The following PCDH7 variants were observed in gnomAD, a reference collection of about 807,000 sequenced individuals.
PCDH7 encodes the protein protocadherin 7.
Under a neutral mutation model 58.9 loss-of-function variants are expected in PCDH7, and 17 were observed. The ratio of observed to expected loss-of-function variants is 0.29; its 90% confidence interval spans 0.20 to 0.43. The LOEUF is 0.43. Among genes scored for constraint, PCDH7 ranks in the 20% least tolerant of loss-of-function variants. The pLI, the probability that PCDH7 is intolerant of heterozygous loss-of-function variation, is 1.00. For missense variants in PCDH7, 1,274 were observed against 1,441.0 expected, an observed-to-expected ratio of 0.88 and a Z score of 1.88; for synonymous variants, 664 against 616.4, an observed-to-expected ratio of 1.08 and a Z score of -1.14.
At chr4:30,767,208 G>T (rs1409595482) in intron 1 of PCDH7, among the ~76,000 whole-genome samples, 1 of 152,174 alleles carries the variant, frequency 6.6e-6, no homozygotes, top group Non-Finnish European at 1.5e-5. Context: ...CAATAGCAGG[G>T]TATGGATTTG....
intron 1 of PCDH7, among the ~76,000 whole-genome samples, chr4:30,829,115 T>G (rs1413518929): frequency 1.3e-5 from 2 of 152,016 alleles, no homozygotes. Context: ...TTTCAAACTG[T>G]AGCTGCCATT....
At chr4:30,987,252 C>G (rs1461363124) in intron 3 of PCDH7, among the ~76,000 whole-genome samples, 2 of 151,966 alleles carry the variant, frequency 1.3e-5, no homozygotes, top group Admixed American at 1.3e-4. Flanking sequence ...TACAGATCAC[C>G]TAAGTAAGAA....
chr4:30,979,325 C>CA (rs80272564), intron 3 of PCDH7, among the ~76,000 whole-genome samples: 1,454 of 96,418 alleles, frequency 0.015, 16 homozygotes, highest in Non-Finnish European at 0.023. Flanking sequence ...AACTCTGTCT[C>CA]AAAAAAAAAA....
At chr4:30,901,265 A>G (rs1740182516) in intron 1 of PCDH7, among the ~76,000 whole-genome samples, 1 of 152,190 alleles carries the variant, frequency 6.6e-6, no homozygotes, top group African/African-American at 2.4e-5. Flanking sequence ...CATTAAGACT[A>G]TTAACATAGA....
intron 1 of PCDH7, among the ~76,000 whole-genome samples, chr4:30,902,675 T>G (rs1483709163): frequency 6.6e-6 from 1 of 151,864 alleles, no homozygotes; most frequent in Admixed American, 6.6e-5. Flanking sequence ...ATCTATAAAC[T>G]TTTGTGGAAA....
intron 1 of PCDH7, among the ~76,000 whole-genome samples, chr4:30,811,092 T>C (rs1342883041): frequency 6.6e-6 from 1 of 152,228 alleles, no homozygotes; most frequent in African/African-American, 2.4e-5. Context: ...GTCCATTTCA[T>C]GTCAAAACTG....
chr4:30,809,528 A>G (rs1726703670), intron 1 of PCDH7, among the ~76,000 whole-genome samples: 1 of 152,188 alleles, frequency 6.6e-6, no homozygotes, highest in Non-Finnish European at 1.5e-5. Context: ...TATTTTGTGG[A>G]AGTAAGCCCC....
chr4:31,021,363 C>T (rs1188667617), intron 3 of PCDH7, among the ~76,000 whole-genome samples: 1 of 152,132 alleles, frequency 6.6e-6, no homozygotes, highest in Non-Finnish European at 1.5e-5. Flanking sequence ...TCTTTCAGAC[C>T]TTCTATGGAG....
chr4:30,769,752 T>C (rs986478044), intron 1 of PCDH7, among the ~76,000 whole-genome samples: 21 of 152,216 alleles, frequency 1.4e-4, no homozygotes, highest in African/African-American at 4.8e-4. Context: ...ATGTTTATCT[T>C]ACATAATTCT....
chr4:30,768,627 A>AC lies in PCDH7; in HGVS notation c.70+44032dup, dbSNP rs939923684. Reference sequence around the variant, plus strand: ...AGGAGATTTTCAAGTAAGAGAAGATACTTTTAAGACAATATCTTGCTGTTT... The same window carrying AC: ...AGGAGATTTTCAAGTAAGAGAAGATACCTTTTAAGACAATATCTTGCTGTTT... On this transcript the variant is annotated intron_variant, in intron 1 of 3. Transcript: ENST00000509759. 1.4e-4 allele frequency among the ~76,000 whole-genome samples: 22 copies of AC among 152,362 alleles called. 1 individual carries two copies. The highest frequency in any genetic ancestry group is 5.3e-4 in the African/African-American group (22 of 41,590).
intron 1 of PCDH7, among the ~76,000 whole-genome samples, chr4:30,806,191 T>C (rs995125479): frequency 3.3e-5 from 5 of 152,156 alleles, no homozygotes; most frequent in Non-Finnish European, 4.4e-5. Flanking sequence ...GTCCCCCAAA[T>C]TGGTACAAGC....
intron 3 of PCDH7, among the ~76,000 whole-genome samples, chr4:30,971,834 T>G (rs1410555045): frequency 2.6e-5 from 4 of 152,264 alleles, no homozygotes; most frequent in African/African-American, 9.6e-5. Flanking sequence ...TGGTGGCACA[T>G]GCCTGTGGGG....
intron 2 of PCDH7, among the ~76,000 whole-genome samples, chr4:30,940,268 TCA>T (rs1374489008): frequency 6.6e-6 from 1 of 151,988 alleles, no homozygotes; most frequent in Non-Finnish European, 1.5e-5. Flanking sequence ...AAAAAAATTA[TCA>T]CACTTTCTGA....
At chr4:30,833,606 G>T (rs368742287) in intron 1 of PCDH7, among the ~76,000 whole-genome samples, 7 of 152,172 alleles carry the variant, frequency 4.6e-5, no homozygotes, top group Admixed American at 3.9e-4. Context: ...TATTCATAGG[G>T]TACATGGGTA....
chr4:30,752,822 GAAA>G (rs1160597987), intron 1 of PCDH7, among the ~76,000 whole-genome samples: 4 of 136,494 alleles, frequency 2.9e-5, no homozygotes, highest in Non-Finnish European at 4.8e-5. Flanking sequence ...AGAAAAAAAA[GAAA>G]AAAAGAACTC....
chr4:30,772,619 A>T (rs1185632915), intron 1 of PCDH7, among the ~76,000 whole-genome samples: 1 of 152,202 alleles, frequency 6.6e-6, no homozygotes, highest in East Asian at 1.9e-4. Flanking sequence ...GAGAAGAGTC[A>T]TGAGGCAGGA....
At chr4:30,869,846 C>T (rs1045894739) in intron 1 of PCDH7, among the ~76,000 whole-genome samples, 3 of 152,062 alleles carry the variant, frequency 2.0e-5, no homozygotes, top group African/African-American at 7.2e-5. Context: ...CTAGATCCTT[C>T]AGGAATTGCT....
At chr4:30,976,953 A>G (rs1229133389) in intron 3 of PCDH7, among the ~76,000 whole-genome samples, 1 of 152,184 alleles carries the variant, frequency 6.6e-6, no homozygotes, top group Non-Finnish European at 1.5e-5. Flanking sequence ...CAGTTGTCTC[A>G]TAAGTAATAG....
chr4:30,876,487 C>T (rs1268670809), intron 1 of PCDH7, among the ~76,000 whole-genome samples: 1 of 151,964 alleles, frequency 6.6e-6, no homozygotes, highest in Non-Finnish European at 1.5e-5. Context: ...GGTAATAGTA[C>T]AGATGCATTC....
Sources: gnomAD v4.1 joint callset for allele counts (sites outside exome capture counted in the v4.1 genomes callset) on GRCh38, gnomAD v4.1.1 for gene constraint, MANE v1.5 for transcripts, NCBI Gene and HGNC (gene_info 2026-07-23, HGNC 2026-07-21) for gene names.